The following PAPSS2 variants were observed in gnomAD, a reference collection of about 807,000 sequenced individuals.
PAPSS2 encodes the protein bifunctional 3'-phosphoadenosine 5'-phosphosulfate synthase 2.
Under a neutral mutation model 66.5 loss-of-function variants are expected in PAPSS2, and 61 were observed. The ratio of observed to expected loss-of-function variants is 0.92; its 90% CI spans 0.75 to 1.14. PAPSS2 has a LOEUF of 1.14. PAPSS2 is among the 50% of genes most tolerant of loss of function. The pLI, the probability that PAPSS2 is intolerant of heterozygous loss-of-function variation, is 0.00. For missense variants in PAPSS2, 708 were observed against 789.6 expected (o/e 0.90, Z 1.24); for synonymous variants, 289 against 287.5 (o/e 1.01, Z -0.05).
chr10:87,744,931 G>A, intron 11 of PAPSS2, 71 bp from the exon 12 acceptor site: 1 of 1,257,582 alleles, frequency 8.0e-7, no homozygotes, highest in South Asian at 1.2e-5. Context: ...TAGAATAAAG[G>A]TGTCTCCATA....
chr10:87,668,092 C>A (rs1443517804), intron 1 of PAPSS2, among the ~76,000 whole-genome samples: 2 of 152,068 alleles, frequency 1.3e-5, no homozygotes, highest in Non-Finnish European at 2.9e-5. Context: ...TCTTCTACAC[C>A]CTCCTCCAGT....
chr10:87,704,682 C>T (rs1185191428), intron 1 of PAPSS2, among the ~76,000 whole-genome samples: 1 of 152,120 alleles, frequency 6.6e-6, no homozygotes. Flanking sequence ...CGCTCTTTTG[C>T]CCAGGATGGA....
chr10:87,745,260 C>T (rs1009413820), intron 12 of PAPSS2, 29 bp downstream of exon 12: 1 of 1,531,616 alleles, frequency 6.5e-7, no homozygotes, highest in Non-Finnish European at 8.9e-7. Flanking sequence ...ATTCTTTTAT[C>T]AACATCTGTA....
intron 1 of PAPSS2, among the ~76,000 whole-genome samples, chr10:87,702,706 T>A (rs1483397379): frequency 6.6e-6 from 1 of 152,062 alleles, no homozygotes; most frequent in East Asian, 1.9e-4. Flanking sequence ...CAAGGGCACG[T>A]GCTTGTTTTT....
At chr10:87,705,227 A>T (rs1415130887) in intron 1 of PAPSS2, among the ~76,000 whole-genome samples, 1 of 152,176 alleles carries the variant, frequency 6.6e-6, no homozygotes, top group Non-Finnish European at 1.5e-5. Context: ...AATGTTTTCC[A>T]TTCATTATCA....
At chr10:87,677,960 TA>T (rs765366296) in intron 1 of PAPSS2, among the ~76,000 whole-genome samples, 1 of 152,162 alleles carries the variant, frequency 6.6e-6, no homozygotes, top group Non-Finnish European at 1.5e-5. Flanking sequence ...GAATTTATTT[TA>T]TAAAGAAAAG....
At chr10:87,700,302 C>G (rs1853286686) in intron 1 of PAPSS2, among the ~76,000 whole-genome samples, 1 of 152,116 alleles carries the variant, frequency 6.6e-6, no homozygotes, top group African/African-American at 2.4e-5. Flanking sequence ...ACAAAACTTG[C>G]ATAATTTCAA....
At position 87,734,934 on chromosome 10, in the gene PAPSS2, C is replaced by A. The variant is rs147278560; in HGVS notation, c.1087-6301C>A. Among the ~76,000 whole-genome samples the A allele has an allele frequency of 9.0e-3, 1,368 of 151,836 alleles. 12 individuals carry two copies. The highest frequency in any genetic ancestry group is 0.015 in the Non-Finnish European group (993 of 67,942). On this transcript the variant is annotated intron_variant, in intron 9 of 12. Transcript: ENST00000456849. Reference sequence around the variant, plus strand: ...CATCTCCAGATTGTTTCTTTTGAGTCTTCCTCTCCTTGGCCTCTTTGAGCC... The same window carrying A: ...CATCTCCAGATTGTTTCTTTTGAGTATTCCTCTCCTTGGCCTCTTTGAGCC...
At chr10:87,689,196 C>T (rs375777362) in intron 1 of PAPSS2, among the ~76,000 whole-genome samples, 3 of 151,778 alleles carry the variant, frequency 2.0e-5, no homozygotes, top group African/African-American at 4.8e-5. Context: ...CAAAATTAGC[C>T]GGGCATGGTG....
chr10:87,698,698 C>T (rs566972857), intron 1 of PAPSS2, among the ~76,000 whole-genome samples: 16 of 152,252 alleles, frequency 1.1e-4, no homozygotes, highest in African/African-American at 2.9e-4. Context: ...AAAATACTTA[C>T]GAACGATATT....
At chr10:87,727,573 G>T in intron 9 of PAPSS2, 84 bp downstream of exon 9, 1 of 1,196,898 alleles carries the variant, frequency 8.4e-7, no homozygotes. Context: ...CTTTGCAAAG[G>T]ACTTAGAAAA....
chr10:87,670,127 T>A (rs1852858195), intron 1 of PAPSS2, among the ~76,000 whole-genome samples: 1 of 152,242 alleles, frequency 6.6e-6, no homozygotes, highest in Non-Finnish European at 1.5e-5. Context: ...AATTGGAAAA[T>A]AAATTTTATT....
intron 9 of PAPSS2, among the ~76,000 whole-genome samples, chr10:87,732,450 G>A (rs1340175013): frequency 6.6e-6 from 1 of 151,964 alleles, no homozygotes; most frequent in Non-Finnish European, 1.5e-5. Context: ...CTGAGCCTGG[G>A]AAGTCGAGGC....
intron 8 of PAPSS2, among the ~76,000 whole-genome samples, chr10:87,722,581 C>G (rs1005821423): frequency 4.6e-5 from 7 of 152,028 alleles, no homozygotes; most frequent in African/African-American, 1.7e-4. Flanking sequence ...GGTTAAAGAA[C>G]CACAATATTC....
chr10:87,687,530 G>T (rs556952985), intron 1 of PAPSS2, among the ~76,000 whole-genome samples: 1 of 152,228 alleles, frequency 6.6e-6, no homozygotes, highest in East Asian at 1.9e-4. Context: ...AAAGATGACC[G>T]CATAGAAATA....
chr10:87,690,892 G>A (rs117998500), intron 1 of PAPSS2, among the ~76,000 whole-genome samples: 1,962 of 152,250 alleles, frequency 0.013, 22 homozygotes, highest in Non-Finnish European at 0.017. Context: ...AGGGCATACA[G>A]CAGTTGGCCA....
chr10:87,668,399 C>T (rs1002199998), intron 1 of PAPSS2, among the ~76,000 whole-genome samples: 1 of 152,186 alleles, frequency 6.6e-6, no homozygotes, highest in Non-Finnish European at 1.5e-5. Context: ...ACAATAGCTA[C>T]CAAAGCCTTA....
chr10:87,697,858 C>T (rs1853254183), intron 1 of PAPSS2, among the ~76,000 whole-genome samples: 1 of 152,166 alleles, frequency 6.6e-6, no homozygotes, highest in African/African-American at 2.4e-5. Context: ...TGACATCTAA[C>T]ATATGTGGTA....
chr10:87,720,074 T>TG (rs1448906014), intron 7 of PAPSS2, among the ~76,000 whole-genome samples: 2 of 151,986 alleles, frequency 1.3e-5, no homozygotes, highest in African/African-American at 4.8e-5. Flanking sequence ...TTAGTAGAGA[T>TG]GGGGTTTCAC....
Sources: allele counts gnomAD v4.1 joint callset (sites outside exome capture counted in the v4.1 genomes callset), GRCh38; gene constraint gnomAD v4.1.1; transcripts MANE v1.5; gene names NCBI Gene and HGNC (gene_info 2026-07-23, HGNC 2026-07-21).